ZNF226: variants seen among roughly 807,000 people sequenced by gnomAD.
ZNF226 encodes zinc finger protein 226, also known as Kruppel-associated box protein.
ZNF226 carries 6 observed loss-of-function variants against 11.4 expected under a neutral mutation model. That is an observed-to-expected ratio of 0.53 (90% CI 0.29 to 1.04). The LOEUF is 1.04. Ranked by LOEUF, ZNF226 falls within the 50% of genes least tolerant of loss-of-function variation. ZNF226 has a pLI of 0.08. For missense variants in ZNF226, 1,058 were observed against 956.5 expected (o/e 1.11, Z -1.40); for synonymous variants, 350 against 322.8 (o/e 1.08, Z -0.90).
At chr19:44,178,205 C>T (rs910526583), downstream of ZNF226, 5 of 154,258 alleles carry the variant, frequency 3.2e-5, no homozygotes, top group African/African-American at 1.2e-4. Context: ...ATCCTGTCCT[C>T]CTTTAGCCTC....
In ZNF226 at chr19:44,176,897, T is replaced by A; in HGVS notation, c.1635T>A (p.Tyr545Ter). 1 of 1,613,510 alleles carries A rather than the reference T, an allele frequency of 6.2e-7. No individual in the cohort carries two copies. Among genetic ancestry groups the A allele is most frequent in the Non-Finnish European group, 8.5e-7 (1 of 1,179,816 alleles). The change falls in exon 6 of 6, where the codon TAT becomes TAA. Residue 545 changes from tyrosine (Y) to a stop codon, truncating the protein, a stop_gained. Coordinates refer to ENST00000337433, the MANE Select transcript of ZNF226 (RefSeq NM_001032373.2). LOFTEE classifies it low-confidence loss of function (END_TRUNC). ...ICGKGFSQSS[Y>*]LQIHQKAHSI... ...GGAAGGGCTTCAGTCAAAGTTCGTA[T>A]CTTCAAATCCATCAGAAGGCCCACA...
At chr19:44,174,163 G>GTGTTTGCATGTGTTTGCCTGTC (rs1555783643) in intron 5 of ZNF226, 1 of 151,928 alleles carries the variant, frequency 6.6e-6, no homozygotes, top group Admixed American at 6.6e-5. Flanking sequence ...GTGTGTGTGT[G>GTGTTTGCATGTGTTTGCCTGTC]TGTTTGCATG....
chr19:44,172,990 G>C (rs754442304), intron 5 of ZNF226, 38 bp downstream of exon 5: 1 of 1,539,780 alleles, frequency 6.5e-7, no homozygotes, highest in South Asian at 1.2e-5. Context: ...ATAGTTAACT[G>C]TCCATCTGCT....
chr19:44,179,655 T>C, downstream of ZNF226, among the ~76,000 whole-genome samples: 1 of 152,190 alleles, frequency 6.6e-6, no homozygotes, highest in South Asian at 2.1e-4. Context: ...ACAGACTTAC[T>C]CACTGGCTGA....
At chr19:44,189,284 G>A in the ZNF226 span, among the ~76,000 whole-genome samples, 1 of 152,158 alleles carries the variant, frequency 6.6e-6, no homozygotes, top group African/African-American at 2.4e-5. Flanking sequence ...TTGCATAATG[G>A]TTTCGAGCCA....
chr19:44,177,332 G>C lies in ZNF226; in HGVS notation c.2070G>C (p.Gln690His), dbSNP rs779110586. Residue 690 changes from glutamine to histidine, a missense_variant, in exon 6 of 6, where the codon CAG becomes CAC. By Grantham distance (24) the Gln-to-His change is conservative. Transcript: ENST00000337433. ...FKWSLNLDMH[Q>H]RVHTGEKPYK... ...GGAGCTTGAACCTTGACATGCATCA[G>C]AGGGTGCACACAGGAGAAAAACCAT... The C allele has an allele frequency of 6.2e-7, 1 of 1,614,080 alleles. No individual in the cohort carries two copies. Among genetic ancestry groups the C allele is most frequent in the South Asian group, 1.1e-5 (1 of 91,072 alleles).
chr19:44,168,257 T>C (rs1443496413), intron 2 of ZNF226, among the ~76,000 whole-genome samples: 2 of 152,134 alleles, frequency 1.3e-5, no homozygotes. Flanking sequence ...GTTTTTTTTT[T>C]TGTCTTTTTG....
At chr19:44,198,966 C>G in the ZNF226 span, among the ~76,000 whole-genome samples, 3 of 151,252 alleles carry the variant, frequency 2.0e-5, no homozygotes, top group African/African-American at 7.3e-5. Context: ...CCACACCCAG[C>G]TAATCTTTGT....
At chr19:44,177,908 A>G (rs1970841435), downstream of ZNF226, 2 of 425,212 alleles carry the variant, frequency 4.7e-6, no homozygotes, top group Admixed American at 4.1e-5. Context: ...CATGGTGGAC[A>G]TGCCAAAATT....
rs1970777659 is a variant in ZNF226, at chr19:44,177,274, A to G, written c.2012A>G (p.Tyr671Cys). 1 of 1,614,126 alleles carries G rather than the reference A, an allele frequency of 6.2e-7. No individual in the cohort carries two copies. Among genetic ancestry groups the G allele is most frequent in the Non-Finnish European group, 8.5e-7 (1 of 1,180,010 alleles). ...HQKVHTGDKP[Y>C]KCDECGKGFK... ...AAAGTCCACACTGGAGATAAGCCAT[A>G]CAAATGTGATGAGTGTGGGAAGGGC... The change falls in exon 6 of 6, where the codon TAC becomes TGC. Residue 671 changes from tyrosine (Y) to cysteine (C), a missense_variant. Transcript: ENST00000337433.
chr19:44,191,530 T>C, the ZNF226 span, among the ~76,000 whole-genome samples: 1 of 152,188 alleles, frequency 6.6e-6, no homozygotes, highest in South Asian at 2.1e-4. Flanking sequence ...TTAACATCTC[T>C]ACAAGATGAT....
the ZNF226 span, among the ~76,000 whole-genome samples, chr19:44,192,779 C>T: frequency 5.5e-4 from 83 of 152,226 alleles, no homozygotes; most frequent in African/African-American, 1.8e-3. Context: ...AAAATTTAAA[C>T]GGATTTCAGA....
At chr19:44,175,332 T>A in intron 5 of ZNF226, 166 bp from the exon 6 acceptor site, 1 of 1,412,556 alleles carries the variant, frequency 7.1e-7, no homozygotes, top group Non-Finnish European at 9.2e-7. Context: ...TTTTGGACCA[T>A]CTCTTGGTTT....
At chr19:44,168,997 CCTTT>C (rs1969744054) in intron 2 of ZNF226, among the ~76,000 whole-genome samples, 1 of 125,318 alleles carries the variant, frequency 8.0e-6, no homozygotes, top group Admixed American at 7.9e-5. Context: ...CCTCCCTTTT[CCTTT>C]TTTTTTTTTT....
downstream of ZNF226, among the ~76,000 whole-genome samples, chr19:44,180,420 A>C (rs920669675): frequency 6.6e-6 from 1 of 152,188 alleles, no homozygotes. Context: ...TTCACATGCT[A>C]AGTATGTAAA....
rs1970162499 is a variant in ZNF226 at position 44,172,068 on chromosome 19, G to A, written c.16-20G>A. 4 of 1,606,704 alleles carry A rather than the reference G, an allele frequency of 2.5e-6. No homozygotes were observed. The Admixed American group carries it at 6.7e-5, about 27-fold the overall frequency. On this transcript the variant is annotated intron_variant, in intron 3 of 5. Transcript: ENST00000337433. ...AGTGGACATTGGTTGTAAGATTGAG[G>A]TCATTTGTTTTTGTCGTAGGAAGCA...
At chr19:44,198,380 G>C in the ZNF226 span, among the ~76,000 whole-genome samples, 1 of 152,094 alleles carries the variant, frequency 6.6e-6, no homozygotes, top group Non-Finnish European at 1.5e-5. Flanking sequence ...ATTCAAAGGA[G>C]CACTGATAGC....
Position 44,175,776 on chromosome 19 carries a change from T to C in ZNF226, c.514T>C (p.Ser172Pro). 6.2e-7 allele frequency: 1 copy of C among 1,613,632 alleles called. No homozygotes were observed. Among genetic ancestry groups the C allele is most frequent in the East Asian group, 2.2e-5 (1 of 44,866 alleles). Reference protein sequence around the residue: ...PEFPILRTQDSWRKTFLTESQ... With the variant: ...PEFPILRTQDPWRKTFLTESQ... ...GTTTCCTATCTTGAGAACCCAGGAT[T>C]CTTGGAGGAAAACATTCCTGACTGA... Residue 172 changes from serine to proline, a missense_variant, in exon 6 of 6, where the codon TCT becomes CCT. By Grantham distance (74) the Ser-to-Pro change is moderately conservative. Transcript: ENST00000337433.
chr19:44,194,079 T>C, the ZNF226 span, among the ~76,000 whole-genome samples: 1 of 152,244 alleles, frequency 6.6e-6, no homozygotes, highest in Non-Finnish European at 1.5e-5. Context: ...AGATGGCCTT[T>C]GTCCTAGTTG....
Sources: gnomAD v4.1 joint callset for allele counts (sites outside exome capture counted in the v4.1 genomes callset) on GRCh38, gnomAD v4.1.1 for gene constraint, MANE v1.5 for transcripts, NCBI Gene and HGNC (gene_info 2026-07-23, HGNC 2026-07-21) for gene names.